The following NTM variants were observed in gnomAD, a reference collection of about 807,000 sequenced individuals.
NTM encodes the protein neurotrimin.
In NTM, 13 loss-of-function variants were observed where a neutral mutation model predicts 42.1. The observed-to-expected ratio is 0.31, with a 90% confidence interval of 0.20 to 0.49. NTM has a LOEUF of 0.49. NTM is among the 20% of genes least tolerant of loss of function. NTM has a pLI of 0.99. For missense variants in NTM, 373 were observed against 452.8 expected (o/e 0.82, Z 1.60); for synonymous variants, 187 against 179.2 (o/e 1.04, Z -0.35).
chr11:132,084,605 G>A (rs7938722), intron 2 of NTM, among the ~76,000 whole-genome samples: 103,120 of 151,996 alleles, frequency 0.68, 36,402 homozygotes, highest in African/African-American at 0.85. Flanking sequence ...ACTTGATGTT[G>A]TGAACTAGAA....
At chr11:131,381,715 C>T (rs1486794990) in intron 1 of NTM, among the ~76,000 whole-genome samples, 1 of 152,180 alleles carries the variant, frequency 6.6e-6, no homozygotes, top group Non-Finnish European at 1.5e-5. Flanking sequence ...TTGATTAATT[C>T]CTGCTCAAGA....
At chr11:131,513,694 A>G (rs972148381) in intron 1 of NTM, among the ~76,000 whole-genome samples, 2 of 152,232 alleles carry the variant, frequency 1.3e-5, no homozygotes, top group Non-Finnish European at 2.9e-5. Context: ...GCAGTGTGAT[A>G]ATATTGATTA....
chr11:131,896,679 CTTT>C (rs71067345), intron 1 of NTM, among the ~76,000 whole-genome samples: 100 of 100,598 alleles, frequency 9.9e-4, no homozygotes, highest in Middle Eastern at 6.0e-3. Flanking sequence ...ACATTTTAGG[CTTT>C]TTTTTTTTTT....
chr11:132,054,368 C>G (rs1000168732), intron 2 of NTM, among the ~76,000 whole-genome samples: 1 of 128,444 alleles, frequency 7.8e-6, no homozygotes. Flanking sequence ...GGGTTTTCTT[C>G]TTTAAACGAA....
chr11:131,842,845 T>C (rs1278414839), intron 1 of NTM, among the ~76,000 whole-genome samples: 1 of 152,054 alleles, frequency 6.6e-6, no homozygotes, highest in Non-Finnish European at 1.5e-5. Context: ...ACCTCATTTC[T>C]ACTAAAAATA....
intron 1 of NTM, among the ~76,000 whole-genome samples, chr11:131,553,952 G>A (rs1004089343): frequency 6.6e-5 from 10 of 152,172 alleles, no homozygotes; most frequent in African/African-American, 2.4e-4. Flanking sequence ...CTATGAACCT[G>A]TTATTCCCTG....
chr11:131,705,806 A>G (rs2076535734), intron 1 of NTM, among the ~76,000 whole-genome samples: 1 of 152,124 alleles, frequency 6.6e-6, no homozygotes, highest in Non-Finnish European at 1.5e-5. Context: ...TATTTTATAG[A>G]AGCCTCATGA....
intron 2 of NTM, among the ~76,000 whole-genome samples, chr11:132,074,660 T>C (rs1027142333): frequency 1.3e-5 from 2 of 152,106 alleles, no homozygotes; most frequent in African/African-American, 2.4e-5. Flanking sequence ...AACCAAGATA[T>C]GGAAACACTA....
At chr11:132,129,547 A>G (rs891193027) in intron 2 of NTM, among the ~76,000 whole-genome samples, 1 of 152,172 alleles carries the variant, frequency 6.6e-6, no homozygotes, top group Non-Finnish European at 1.5e-5. Context: ...ATTCCTAAAG[A>G]CAGACCTCAG....
intron 2 of NTM, among the ~76,000 whole-genome samples, chr11:132,065,075 A>G (rs569551385): frequency 2.4e-4 from 36 of 152,180 alleles, no homozygotes; most frequent in Non-Finnish European, 4.9e-4. Flanking sequence ...TGTGCACAGG[A>G]GTGCAGGGCA....
At chr11:131,800,522 T>C (rs2092011757) in intron 1 of NTM, among the ~76,000 whole-genome samples, 1 of 152,226 alleles carries the variant, frequency 6.6e-6, no homozygotes, top group Non-Finnish European at 1.5e-5. Flanking sequence ...CATGAATACA[T>C]ATCGCTTTGT....
chr11:131,425,317 C>T (rs1036864291), intron 1 of NTM, among the ~76,000 whole-genome samples: 49 of 152,150 alleles, frequency 3.2e-4, no homozygotes, highest in African/African-American at 1.0e-3. Context: ...TTCCCAAAAA[C>T]GCCCTATAGT....
At chr11:131,421,863 A>T (rs1381336911) in intron 1 of NTM, among the ~76,000 whole-genome samples, 1 of 152,196 alleles carries the variant, frequency 6.6e-6, no homozygotes, top group Non-Finnish European at 1.5e-5. Context: ...TAACTTTGTT[A>T]TGGTGGCTGC....
intron 1 of NTM, among the ~76,000 whole-genome samples, chr11:131,786,415 G>A (rs535478920): frequency 6.6e-6 from 1 of 152,184 alleles, no homozygotes; most frequent in East Asian, 1.9e-4. Context: ...TGCAGTTTGG[G>A]TAAGAGTAAT....
At chr11:132,195,402 T>C (rs1214730354) in intron 3 of NTM, among the ~76,000 whole-genome samples, 2 of 151,716 alleles carry the variant, frequency 1.3e-5, no homozygotes, top group African/African-American at 2.4e-5. Flanking sequence ...ATGTAATTCC[T>C]ATCAAACTAC....
At chr11:131,447,181 C>T (rs928555403) in intron 1 of NTM, among the ~76,000 whole-genome samples, 3 of 152,108 alleles carry the variant, frequency 2.0e-5, no homozygotes, top group African/African-American at 7.2e-5. Context: ...GAATTGTATA[C>T]GGGGATAGAA....
chr11:132,307,975 T>C (rs562124293), intron 5 of NTM, 152 bp downstream of exon 5: 2 of 671,224 alleles, frequency 3.0e-6, no homozygotes, highest in Middle Eastern at 4.2e-4. Context: ...GGAGCAAACA[T>C]TTCAAACTCG....
intron 1 of NTM, among the ~76,000 whole-genome samples, chr11:131,575,364 A>G (rs976617385): frequency 1.3e-5 from 2 of 152,220 alleles, no homozygotes; most frequent in African/African-American, 4.8e-5. Flanking sequence ...TTGGGCCTAT[A>G]TATTTTAATT....
At chr11:132,032,962 A>G (rs1430300432) in intron 2 of NTM, among the ~76,000 whole-genome samples, 1 of 152,348 alleles carries the variant, frequency 6.6e-6, no homozygotes, top group East Asian at 1.9e-4. Context: ...TTTAGTAAAC[A>G]TTTTTGAGCT....
Sources: allele counts gnomAD v4.1 joint callset (sites outside exome capture counted in the v4.1 genomes callset), GRCh38; gene constraint gnomAD v4.1.1; transcripts MANE v1.5; gene names NCBI Gene and HGNC (gene_info 2026-07-23, HGNC 2026-07-21).